ELOVL4: variants seen among roughly 807,000 people sequenced by gnomAD.
The protein encoded by ELOVL4 is very long chain fatty acid elongase 4.
A neutral mutation model predicts 42.1 loss-of-function variants in ELOVL4; 18 were observed. The observed-to-expected ratio is 0.43, with a 90% CI of 0.30 to 0.63. ELOVL4 has a LOEUF of 0.63. Ranked by LOEUF, ELOVL4 falls within the 30% of genes least tolerant of loss-of-function variation. The pLI is 0.15. For synonymous variants in ELOVL4, 117 were observed against 127.0 expected (o/e 0.92, Z 0.53); for missense variants, 299 against 376.2 (o/e 0.79, Z 1.70).
intron 5 of ELOVL4, among the ~76,000 whole-genome samples, chr6:79,917,934 G>A (rs1774188669): frequency 6.6e-6 from 1 of 152,278 alleles, no homozygotes; most frequent in East Asian, 1.9e-4. Context: ...CCCAAAGTGA[G>A]ATGATTAAAA....
In ELOVL4 at chr6:79,916,443, G is replaced by C. The variant is rs913179435; in HGVS notation, c.*165C>G. The C allele has an allele frequency of 1.0e-4, 77 of 737,200 alleles. No individual in the cohort carries two copies. Among genetic ancestry groups the C allele is most frequent in the Non-Finnish European group, 1.6e-4 (69 of 442,556 alleles). The allele number at this position is 737,200 out of a possible 1,614,324, so 45.7% of individuals were successfully genotyped here. A position where few individuals can be genotyped will look rare whatever the true frequency, so the allele number is the denominator to read the frequency against. The stretch of plus-strand genomic sequence containing the variant: ...TAAAAACTTCATAAATAAAACATCT[G>C]GGTATGGTATTAACACTTTACTCAG... On this transcript the variant is annotated 3_prime_UTR_variant, in exon 6 of 6. Transcript: ENST00000369816.
At position 79,926,124 on chromosome 6, in the gene ELOVL4, G is replaced by A. The variant is rs543785905; in HGVS notation, c.288+70C>T. 1.4e-4 allele frequency: 189 copies of A among 1,335,374 alleles called. 3 individuals are homozygous for A. The South Asian group carries it at 2.2e-3, about 15-fold the overall frequency. 82.7% of individuals were successfully genotyped at this position (1,335,374 alleles called of 1,614,324 possible). ...GTCTGGGTAAAATATTACAATGATG[G>A]TTTTACACATTCTCATTTTTAAATT... On this transcript the variant is annotated intron_variant, in intron 2 of 5. Coordinates refer to ENST00000369816, the MANE Select transcript of ELOVL4 (RefSeq NM_022726.4).
chr6:79,939,805 C>T (rs189143999), intron 1 of ELOVL4, among the ~76,000 whole-genome samples: 2 of 152,086 alleles, frequency 1.3e-5, no homozygotes, highest in East Asian at 1.9e-4. Flanking sequence ...GGGCCCAGCC[C>T]GAATTTGACT....
intron 1 of ELOVL4, among the ~76,000 whole-genome samples, chr6:79,941,713 A>G (rs922541573): frequency 6.6e-6 from 1 of 152,124 alleles, no homozygotes; most frequent in Non-Finnish European, 1.5e-5. Flanking sequence ...AACAAAAACA[A>G]AAACCTTCTG....
chr6:79,929,452 G>C (rs1774407105), intron 1 of ELOVL4, among the ~76,000 whole-genome samples: 1 of 152,052 alleles, frequency 6.6e-6, no homozygotes, highest in Non-Finnish European at 1.5e-5. Flanking sequence ...TGCTGCCTAG[G>C]CTGGTCTCAA....
intron 1 of ELOVL4, among the ~76,000 whole-genome samples, chr6:79,932,759 C>A (rs1774469519): frequency 6.6e-6 from 1 of 152,144 alleles, no homozygotes; most frequent in Non-Finnish European, 1.5e-5. Context: ...CAATGCTCAA[C>A]TAGCAGAGGA....
At chr6:79,930,581 A>G (rs1774426678) in intron 1 of ELOVL4, among the ~76,000 whole-genome samples, 1 of 152,166 alleles carries the variant, frequency 6.6e-6, no homozygotes, top group African/African-American at 2.4e-5. Flanking sequence ...CTTTTCCACT[A>G]AAAAGGGCTG....
At chr6:79,940,465 T>G (rs1164854683) in intron 1 of ELOVL4, among the ~76,000 whole-genome samples, 2 of 152,200 alleles carry the variant, frequency 1.3e-5, no homozygotes, top group Non-Finnish European at 2.9e-5. Context: ...TTTTTATCAA[T>G]TTTACAAAAA....
chr6:79,933,098 G>C (rs1216351534), intron 1 of ELOVL4, among the ~76,000 whole-genome samples: 1 of 152,184 alleles, frequency 6.6e-6, no homozygotes, highest in African/African-American at 2.4e-5. Context: ...CAGACATGAT[G>C]AAGAGGATAT....
At position 79,915,565 on chromosome 6, in the gene ELOVL4, T is replaced by C. The variant is rs1774145782; in HGVS notation, c.*1043A>G. 1 of 152,464 alleles carries C rather than the reference T, an allele frequency of 6.6e-6. No homozygotes were observed. The highest frequency in any genetic ancestry group is 2.1e-4 in the South Asian group (1 of 4,832). 9.4% of individuals were successfully genotyped at this position (152,464 alleles called of 1,614,324 possible). A position where few individuals can be genotyped will look rare whatever the true frequency, so the allele number is the denominator to read the frequency against. On this transcript the variant is annotated 3_prime_UTR_variant, in exon 6 of 6. Transcript: ENST00000369816. Reference sequence around the variant, plus strand: ...ACAGAAATGTTTGGTGTATGCTATTTGTCATAAAAGCAAAAAAAATACTAG... The same window carrying C: ...ACAGAAATGTTTGGTGTATGCTATTCGTCATAAAAGCAAAAAAAATACTAG...
intron 1 of ELOVL4, among the ~76,000 whole-genome samples, chr6:79,930,028 T>C (rs530833326): frequency 5.9e-5 from 9 of 152,248 alleles, no homozygotes; most frequent in Admixed American, 6.5e-5. Context: ...GTTTCCTCAG[T>C]GTCCAAGAAC....
chr6:79,938,233 A>C (rs1394125364), intron 1 of ELOVL4, among the ~76,000 whole-genome samples: 2 of 152,212 alleles, frequency 1.3e-5, no homozygotes, highest in African/African-American at 4.8e-5. Context: ...TTCTCAGAAA[A>C]AGTAGTCATA....
chr6:79,943,024 T>G (rs1774673128), intron 1 of ELOVL4, among the ~76,000 whole-genome samples: 1 of 151,814 alleles, frequency 6.6e-6, no homozygotes, highest in African/African-American at 2.4e-5. Context: ...TTTTTTTTTT[T>G]TAATTAGCTG....
At chr6:79,938,577 G>A (rs987586970) in intron 1 of ELOVL4, among the ~76,000 whole-genome samples, 2 of 152,012 alleles carry the variant, frequency 1.3e-5, no homozygotes, top group African/African-American at 2.4e-5. Flanking sequence ...ATCCTACACC[G>A]TCATATGGAA....
intron 1 of ELOVL4, among the ~76,000 whole-genome samples, chr6:79,946,957 C>G (rs1774754244): frequency 6.6e-6 from 1 of 152,142 alleles, no homozygotes; most frequent in African/African-American, 2.4e-5. Flanking sequence ...GGAGGGAGCT[C>G]AGAAGAAAAC....
At chr6:79,926,689 A>C (rs1239566482) in intron 1 of ELOVL4, among the ~76,000 whole-genome samples, 2 of 152,214 alleles carry the variant, frequency 1.3e-5, no homozygotes, top group African/African-American at 4.8e-5. Flanking sequence ...ATGAAAAGTT[A>C]ATGAAAAACT....
intron 1 of ELOVL4, among the ~76,000 whole-genome samples, chr6:79,931,987 A>G (rs1176015079): frequency 6.6e-6 from 1 of 152,216 alleles, no homozygotes; most frequent in East Asian, 1.9e-4. Flanking sequence ...CCTTTATTTT[A>G]ATTATGAGAA....
At chr6:79,922,666 T>C (rs1488364829) in intron 3 of ELOVL4, among the ~76,000 whole-genome samples, 1 of 152,236 alleles carries the variant, frequency 6.6e-6, no homozygotes, top group Non-Finnish European at 1.5e-5. Flanking sequence ...TTATAAGCTT[T>C]CATGTGTTAG....
chr6:79,933,440 A>C (rs546881299), intron 1 of ELOVL4, among the ~76,000 whole-genome samples: 37 of 152,254 alleles, frequency 2.4e-4, no homozygotes, highest in African/African-American at 8.7e-4. Flanking sequence ...CATGTTGCTC[A>C]GGCTGGCCCT....
Sources: allele counts gnomAD v4.1 joint callset (sites outside exome capture counted in the v4.1 genomes callset), GRCh38; gene constraint gnomAD v4.1.1; transcripts MANE v1.5; gene names NCBI Gene and HGNC (gene_info 2026-07-23, HGNC 2026-07-21).